FYN: variants seen among roughly 807,000 people sequenced by gnomAD.
The protein encoded by FYN is FYN proto-oncogene, Src family tyrosine kinase.
Under a neutral mutation model 70.2 loss-of-function variants are expected in FYN, and 10 were observed. The ratio of observed to expected loss-of-function variants is 0.14; its 90% CI spans 0.09 to 0.24. The LOEUF is 0.24. Among genes scored for constraint, FYN ranks in the 10% least tolerant of loss-of-function variants. FYN has a pLI of 1.00. For missense variants in FYN, 319 were observed against 673.1 expected (o/e 0.47, Z 5.82); for synonymous variants, 236 against 248.6 (o/e 0.95, Z 0.48).
chr6:111,753,431 T>C (rs1322932007), intron 3 of FYN, among the ~76,000 whole-genome samples: 1 of 152,172 alleles, frequency 6.6e-6, no homozygotes, highest in African/African-American at 2.4e-5. Context: ...TCAGGAGGCC[T>C]AAAATGGGGC....
At chr6:111,811,397 G>A (rs892586321) in intron 2 of FYN, among the ~76,000 whole-genome samples, 1 of 152,210 alleles carries the variant, frequency 6.6e-6, no homozygotes, top group South Asian at 2.1e-4. Context: ...AGCTGTAAAT[G>A]TAAGTACTGC....
At chr6:111,755,414 G>A (rs1406218861) in intron 3 of FYN, among the ~76,000 whole-genome samples, 1 of 152,114 alleles carries the variant, frequency 6.6e-6, no homozygotes, top group Non-Finnish European at 1.5e-5. Flanking sequence ...AATTTTAAGG[G>A]CAAAGTGACA....
intron 4 of FYN, 156 bp downstream of exon 4, chr6:111,719,649 T>G: frequency 1.2e-6 from 1 of 869,162 alleles, no homozygotes; most frequent in East Asian, 2.7e-5. Flanking sequence ...AAACTCTGGC[T>G]TTTCTTACAA....
intron 12 of FYN, among the ~76,000 whole-genome samples, chr6:111,689,749 G>T (rs945482744): frequency 2.0e-5 from 3 of 152,116 alleles, no homozygotes; most frequent in African/African-American, 7.2e-5. Flanking sequence ...GTGAAAAGGG[G>T]AAAAAAGGCT....
Position 111,849,155 on chromosome 6 carries a change from G to A in FYN, c.-122-2526C>T, listed in dbSNP as rs143340635. Among the ~76,000 whole-genome samples, 878 of 152,186 alleles carry A rather than the reference G, an allele frequency of 5.8e-3. 9 individuals carry two copies. Among genetic ancestry groups the A allele is most frequent in the African/African-American group, 0.015 (643 of 41,512 alleles). On this transcript the variant is annotated intron_variant, in intron 1 of 13. Coordinates refer to ENST00000354650, the MANE Select transcript of FYN (RefSeq NM_002037.5). ...CTTGCTGAAGCAGTGCTGATGTTTC[G>A]TTTGAGAAACATAACTGAAGTGACC...
intron 13 of FYN, among the ~76,000 whole-genome samples, chr6:111,669,457 A>G (rs1425602122): frequency 2.2e-4 from 33 of 151,382 alleles, no homozygotes; most frequent in Admixed American, 1.6e-3. Context: ...AAAAAAAAAA[A>G]AAAGAAAGTG....
At chr6:111,739,289 T>C (rs985771526) in intron 3 of FYN, among the ~76,000 whole-genome samples, 1 of 152,222 alleles carries the variant, frequency 6.6e-6, no homozygotes, top group African/African-American at 2.4e-5. Context: ...TCTGGCAAGA[T>C]GCACATGCAC....
chr6:111,772,571 G>A (rs77283207), intron 3 of FYN, among the ~76,000 whole-genome samples: 8,250 of 152,224 alleles, frequency 0.054, 489 homozygotes, highest in African/African-American at 0.15. Flanking sequence ...GCTCCCTGAT[G>A]TGATATAATA....
At chr6:111,859,947 A>G (rs1050557067) in intron 1 of FYN, among the ~76,000 whole-genome samples, 1 of 152,174 alleles carries the variant, frequency 6.6e-6, no homozygotes, top group African/African-American at 2.4e-5. Context: ...AAGAGAGGAG[A>G]AGGCCATGCA....
chr6:111,762,879 G>A (rs1457940823), intron 3 of FYN, among the ~76,000 whole-genome samples: 1 of 151,946 alleles, frequency 6.6e-6, no homozygotes, highest in African/African-American at 2.4e-5. Context: ...GCATTCAAAT[G>A]GCTGGACACG....
chr6:111,711,606 C>T (rs1429620478), intron 5 of FYN, among the ~76,000 whole-genome samples: 1 of 152,194 alleles, frequency 6.6e-6, no homozygotes, highest in Non-Finnish European at 1.5e-5. Flanking sequence ...TGGCCTCCAG[C>T]GCCACCAGGG....
At chr6:111,839,265 A>G (rs560062855) in intron 2 of FYN, among the ~76,000 whole-genome samples, 10 of 152,140 alleles carry the variant, frequency 6.6e-5, no homozygotes, top group Non-Finnish European at 1.3e-4. Flanking sequence ...GCCCCAGCTC[A>G]TGGATCTGTT....
chr6:111,755,085 T>G (rs1183669732), intron 3 of FYN, among the ~76,000 whole-genome samples: 1 of 152,084 alleles, frequency 6.6e-6, no homozygotes, highest in African/African-American at 2.4e-5. Flanking sequence ...ACAATAGAGA[T>G]TTCTTGGCAG....
chr6:111,713,424 T>C (rs1335876685), intron 5 of FYN, among the ~76,000 whole-genome samples: 1 of 152,170 alleles, frequency 6.6e-6, no homozygotes, highest in Non-Finnish European at 1.5e-5. Context: ...GCAACCAGAC[T>C]TGGTGGCATA....
chr6:111,804,709 G>A (rs1772095275), intron 2 of FYN, among the ~76,000 whole-genome samples: 2 of 152,138 alleles, frequency 1.3e-5, no homozygotes, highest in African/African-American at 4.8e-5. Flanking sequence ...AGAAAACGAG[G>A]GCTGTGACTC....
chr6:111,745,278 A>T (rs761071379), intron 3 of FYN, among the ~76,000 whole-genome samples: 1 of 152,204 alleles, frequency 6.6e-6, no homozygotes, highest in East Asian at 1.9e-4. Flanking sequence ...CAGACAAGGA[A>T]AGGACCTGTT....
intron 1 of FYN, among the ~76,000 whole-genome samples, chr6:111,848,649 T>C (rs1773598331): frequency 6.6e-6 from 1 of 152,170 alleles, no homozygotes; most frequent in Non-Finnish European, 1.5e-5. Flanking sequence ...CTAAGCAAGA[T>C]ACTGAAATAT....
chr6:111,681,200 G>T (rs1215613827), intron 12 of FYN, among the ~76,000 whole-genome samples: 1 of 152,008 alleles, frequency 6.6e-6, no homozygotes, highest in African/African-American at 2.4e-5. Context: ...GCTAATTTTT[G>T]TATTTTTAGT....
rs545160962 is a variant in FYN, at chr6:111,781,240, G to A, written c.-81-605C>T. ...GTTATCATCATTCTCCCAGTCCCTC[G>A]GGCCTGTAAACTAACACCGCCTTCT... On this transcript the variant is annotated intron_variant, in intron 2 of 13. Coordinates refer to ENST00000354650, the MANE Select transcript of FYN (RefSeq NM_002037.5). Among the ~76,000 whole-genome samples, 12 of 152,200 alleles carry A rather than the reference G, an allele frequency of 7.9e-5. No individual in the cohort carries two copies. The South Asian group carries it at 2.3e-3, about 29-fold the overall frequency.
Sources: allele counts gnomAD v4.1 joint callset (sites outside exome capture counted in the v4.1 genomes callset), GRCh38; gene constraint gnomAD v4.1.1; transcripts MANE v1.5; gene names NCBI Gene and HGNC (gene_info 2026-07-23, HGNC 2026-07-21).